Variants in SLC12A7 observed in about 807,000 individuals in gnomAD.
SLC12A7 encodes the protein K-Cl cotransporter 4.
Under a neutral mutation model 120.6 loss-of-function variants are expected in SLC12A7, and 100 were observed. The observed-to-expected ratio is 0.83, with a 90% CI of 0.71 to 0.98. SLC12A7 has a LOEUF of 0.98. Among genes scored for constraint, SLC12A7 ranks in the 50% least tolerant of loss-of-function variants. SLC12A7 has a pLI of 0.00. For synonymous variants in SLC12A7, 760 were observed against 678.0 expected (o/e 1.12, Z -1.88); for missense variants, 1,373 against 1,548.1 (o/e 0.89, Z 1.90).
intron 14 of SLC12A7, chr5:1,075,815 C>A: frequency 2.0e-6 from 1 of 504,126 alleles, no homozygotes; most frequent in Non-Finnish European, 3.5e-6. Flanking sequence ...TAAGAAGACC[C>A]ACAGCCCTGA....
chr5:1,079,498 T>C lies in SLC12A7; in HGVS notation c.1298-2A>G. On this transcript the variant is annotated splice_acceptor_variant, in intron 9 of 23. Coordinates refer to ENST00000264930, the MANE Select transcript of SLC12A7 (RefSeq NM_006598.3). LOFTEE classifies it high-confidence loss of function. The stretch of plus-strand genomic sequence containing the variant: ...ACCGGTTTGAACCCGCCATGATACC[T>C]GTGAACATGGAAAATGCTGCAAAGA... The C allele has an allele frequency of 6.2e-7, 1 of 1,608,920 alleles. No individual in the cohort carries two copies. The highest frequency in any genetic ancestry group is 1.7e-4 in the Middle Eastern group (1 of 6,048).
rs915732356 is a variant in SLC12A7 at position 1,050,485 on chromosome 5, C to T, written c.*1875G>A. The stretch of plus-strand genomic sequence containing the variant: ...TAAATGGCTGTAGTTACTGGTTACA[C>T]GGAGTTGACAACACAAAGGATGCCT... On this transcript the variant is annotated 3_prime_UTR_variant, in exon 24 of 24. Transcript: ENST00000264930. 8 of 202,712 alleles carry T rather than the reference C, an allele frequency of 3.9e-5. No individual in the cohort carries two copies. The highest frequency in any genetic ancestry group is 7.9e-5 in the Non-Finnish European group (8 of 101,866). 12.6% of individuals were successfully genotyped at this position (202,712 alleles called of 1,614,324 possible). A position where few individuals can be genotyped will look rare whatever the true frequency, so the allele number is the denominator to read the frequency against.
At chr5:1,114,635 C>A (rs1743243450), upstream of SLC12A7, among the ~76,000 whole-genome samples, 1 of 152,170 alleles carries the variant, frequency 6.6e-6, no homozygotes, top group Non-Finnish European at 1.5e-5. Flanking sequence ...GGCCCTCGGA[C>A]ACGTGGAGGT....
At chr5:1,130,097 G>A in the SLC12A7 span, among the ~76,000 whole-genome samples, 23 of 152,276 alleles carry the variant, frequency 1.5e-4, no homozygotes, top group East Asian at 4.2e-3. Context: ...AAAAATCTGC[G>A]GAAAATCACC....
Position 1,083,958 on chromosome 5 carries a change from T to TGGGCG in SLC12A7, c.918-7_918-3dup. The TGGGCG allele has an allele frequency of 1.9e-6, 3 of 1,600,450 alleles. No homozygotes were observed. Among genetic ancestry groups the TGGGCG allele is most frequent in the Non-Finnish European group, 2.5e-6 (3 of 1,179,662 alleles). On this transcript the variant is annotated splice_polypyrimidine_tract_variant and splice_region_variant and intron_variant, in intron 7 of 23. Transcript: ENST00000264930. ...GTGCGGTTCCCCAGGAGGCAGACCC[T>TGGGCG]GGGCGGGACAGGGAGGCACGGCACG... is the stretch of plus-strand genomic sequence containing the variant.
chr5:1,130,962 G>A, the SLC12A7 span, among the ~76,000 whole-genome samples: 1 of 152,156 alleles, frequency 6.6e-6, no homozygotes, highest in Non-Finnish European at 1.5e-5. Flanking sequence ...TCGGAGGGTG[G>A]TCTGAGGGCT....
At chr5:1,091,442 C>A (rs953900990) in intron 3 of SLC12A7, among the ~76,000 whole-genome samples, 1 of 152,156 alleles carries the variant, frequency 6.6e-6, no homozygotes, top group Admixed American at 6.5e-5. Flanking sequence ...CCGGAGCACT[C>A]GGACCAGGCC....
chr5:1,131,644 C>T, the SLC12A7 span, among the ~76,000 whole-genome samples: 1 of 152,214 alleles, frequency 6.6e-6, no homozygotes, highest in Non-Finnish European at 1.5e-5. Context: ...TCCCTTGGGG[C>T]CCCCAGAATC....
chr5:1,085,033 G>A (rs768775793), intron 7 of SLC12A7, among the ~76,000 whole-genome samples, 199 bp downstream of exon 7: 57 of 152,208 alleles, frequency 3.7e-4, no homozygotes, highest in Non-Finnish European at 4.4e-5. Flanking sequence ...ACCCGGCCAC[G>A]AGGGTACCTC....
chr5:1,078,228 T>A (rs1364720594), intron 11 of SLC12A7, among the ~76,000 whole-genome samples: 1 of 152,092 alleles, frequency 6.6e-6, no homozygotes, highest in African/African-American at 2.4e-5. Flanking sequence ...GGGGTCCTGC[T>A]CACCTCAGGG....
At chr5:1,112,107 G>T, upstream of SLC12A7, 2 of 1,124,456 alleles carry the variant, frequency 1.8e-6, no homozygotes, top group Non-Finnish European at 2.2e-6. Context: ...CGCCCCGCCC[G>T]GGCCACGTGA....
chr5:1,099,621 G>A (rs1741797678), intron 1 of SLC12A7, among the ~76,000 whole-genome samples: 2 of 152,120 alleles, frequency 1.3e-5, no homozygotes, highest in Non-Finnish European at 1.5e-5. Flanking sequence ...AGACGAACCC[G>A]TTTCTGACTT....
rs768733626 is a variant in SLC12A7, at chr5:1,077,980, C to G, written c.1482G>C (p.Leu494=). 1.2e-5 allele frequency: 19 copies of G among 1,586,982 alleles called. No individual in the cohort carries two copies. Among genetic ancestry groups the G allele is most frequent in the Non-Finnish European group, 1.5e-5 (18 of 1,167,668 alleles). ...DKFGEALQGN[L]VIGMLAWPSP... is the part of the protein sequence containing the mutation. ...AGGGCCAGGCCAGCATGCCGATGAC[C>G]AGGTTCCCCTGCAGGGCCTCCCCGA... Residue 494 remains leucine, a synonymous_variant, in exon 12 of 24, where the codon CTG becomes CTC. Coordinates refer to ENST00000264930, the MANE Select transcript of SLC12A7 (RefSeq NM_006598.3).
chr5:1,058,343 C>A (rs1735843962), intron 21 of SLC12A7, among the ~76,000 whole-genome samples: 2 of 152,366 alleles, frequency 1.3e-5, no homozygotes, highest in African/African-American at 4.8e-5. Context: ...CTCCCTGCAC[C>A]CTTCACGCCC....
chr5:1,067,750 C>T (rs1484154107), intron 17 of SLC12A7, among the ~76,000 whole-genome samples: 1 of 152,232 alleles, frequency 6.6e-6, no homozygotes, highest in East Asian at 1.9e-4. Flanking sequence ...TGCAGGGTTT[C>T]AGGAGGACGC....
chr5:1,106,572 C>T (rs1238071844), intron 1 of SLC12A7, among the ~76,000 whole-genome samples: 4 of 152,208 alleles, frequency 2.6e-5, no homozygotes, highest in African/African-American at 9.6e-5. Flanking sequence ...CGGCTCCACT[C>T]GTGCCCTTCA....
intron 22 of SLC12A7, among the ~76,000 whole-genome samples, chr5:1,055,239 CAA>C (rs1357349068): frequency 1.3e-4 from 20 of 152,364 alleles, no homozygotes; most frequent in African/African-American, 4.8e-4. Context: ...CATGCAGTCA[CAA>C]TGTGCAAATG....
At chr5:1,073,943 G>A (rs1738022308) in intron 16 of SLC12A7, 142 bp from the exon 17 acceptor site, 2 of 782,914 alleles carry the variant, frequency 2.6e-6, no homozygotes, top group Admixed American at 8.1e-5. Context: ...GGGACAAAAG[G>A]GGCAGGTGAC....
intron 1 of SLC12A7, among the ~76,000 whole-genome samples, chr5:1,101,279 C>G (rs1383085582): frequency 6.6e-6 from 1 of 152,230 alleles, no homozygotes; most frequent in Non-Finnish European, 1.5e-5. Context: ...AGCAGCAGCT[C>G]TGCTCACAGC....
Sources: allele counts gnomAD v4.1 joint callset (sites outside exome capture counted in the v4.1 genomes callset), GRCh38; gene constraint gnomAD v4.1.1; transcripts MANE v1.5; gene names NCBI Gene and HGNC (gene_info 2026-07-23, HGNC 2026-07-21).